CXADR: variants seen among roughly 807,000 people sequenced by gnomAD.
CXADR encodes coxsackievirus and adenovirus receptor.
In CXADR, 20 loss-of-function variants were observed where a neutral mutation model predicts 40.3. The ratio of observed to expected loss-of-function variants is 0.50; its 90% CI spans 0.35 to 0.72. The LOEUF is 0.72. Among genes scored for constraint, CXADR ranks in the 30% least tolerant of loss-of-function variants. The pLI, the probability that CXADR is intolerant of heterozygous loss-of-function variation, is 0.01. For missense variants in CXADR, 332 were observed against 449.1 expected, an observed-to-expected ratio of 0.74 and a Z score of 2.36; for synonymous variants, 150 against 161.3, an observed-to-expected ratio of 0.93 and a Z score of 0.53.
At chr21:17,582,483 T>G (rs1469054459) in intron 7 of CXADR, among the ~76,000 whole-genome samples, 1 of 152,036 alleles carries the variant, frequency 6.6e-6, no homozygotes, top group Non-Finnish European at 1.5e-5. Flanking sequence ...CACTGACTTA[T>G]CTCTCCCTCC....
At position 17,565,561 on chromosome 21, in the gene CXADR, A is replaced by G. The variant is rs1383112094; in HGVS notation, c.967A>G (p.Ser323Gly). The stretch of plus-strand genomic sequence containing the variant: ...CAAGACTCAGTATAACCAAGTACCA[A>G]GTGAAGACTTTGAACGCACTCCTCA... The part of the protein sequence containing the change: ...YSKTQYNQVP[S>G]EDFERTPQSP... The change falls in exon 7 of 7, where the codon AGT becomes GGT. Residue 323 changes from serine to glycine, a missense_variant. Around this residue, in one of 3 missense-constraint regions of CXADR, gnomAD observed 150 missense variants for 194.2 expected, o/e 0.77. Coordinates refer to ENST00000284878, the MANE Select transcript of CXADR (RefSeq NM_001338.5). 3 of 1,613,870 alleles carry G rather than the reference A, an allele frequency of 1.9e-6. No individual in the cohort carries two copies. The highest frequency in any genetic ancestry group is 1.1e-5 in the South Asian group (1 of 91,066).
the CXADR span, among the ~76,000 whole-genome samples, chr21:17,605,698 C>A: frequency 2.0e-5 from 3 of 152,072 alleles, no homozygotes; most frequent in Admixed American, 2.0e-4. Flanking sequence ...ACCTATTATA[C>A]GACATCTACC....
chr21:17,570,240 C>T, downstream of CXADR: 1 of 930,640 alleles, frequency 1.1e-6, no homozygotes, highest in Non-Finnish European at 1.3e-6. Context: ...AAGATTGCGA[C>T]AATCATATTA....
intron 1 of CXADR, among the ~76,000 whole-genome samples, chr21:17,540,885 A>G (rs375207311): frequency 6.6e-6 from 1 of 152,170 alleles, no homozygotes; most frequent in East Asian, 1.9e-4. Flanking sequence ...TTATATTTGA[A>G]ATATGTTACG....
At chr21:17,573,113 C>T (rs1217676353), downstream of CXADR, among the ~76,000 whole-genome samples, 4 of 152,142 alleles carry the variant, frequency 2.6e-5, no homozygotes, top group East Asian at 7.7e-4. Context: ...GCTCCAGACC[C>T]CTGTCTTTGG....
intron 1 of CXADR, among the ~76,000 whole-genome samples, chr21:17,513,416 G>T (rs1696539205): frequency 6.6e-6 from 1 of 152,098 alleles, no homozygotes; most frequent in African/African-American, 2.4e-5. Context: ...CTCGGCGGGG[G>T]GTGGAGGCGG....
chr21:17,614,941 A>G, the CXADR span, among the ~76,000 whole-genome samples: 13 of 152,182 alleles, frequency 8.5e-5, no homozygotes, highest in African/African-American at 3.1e-4. Flanking sequence ...TGGAATCACA[A>G]AATCACAAAT....
chr21:17,584,574 G>A (rs1156777956), intron 7 of CXADR, among the ~76,000 whole-genome samples: 1 of 152,226 alleles, frequency 6.6e-6, no homozygotes, highest in South Asian at 2.1e-4. Context: ...GCTCACGTCT[G>A]TAGTCCCAGC....
intron 3 of CXADR, among the ~76,000 whole-genome samples, chr21:17,558,561 AG>A (rs2061066190): frequency 6.6e-6 from 1 of 152,154 alleles, no homozygotes; most frequent in Non-Finnish European, 1.5e-5. Flanking sequence ...TGGCGCCTAG[AG>A]GGATGTGACT....
downstream of CXADR, among the ~76,000 whole-genome samples, chr21:17,573,189 C>T (rs1030526202): frequency 1.3e-4 from 20 of 150,438 alleles, no homozygotes; most frequent in Admixed American, 1.3e-3. Context: ...GTGTACATTT[C>T]CATTTTTTTA....
In CXADR at chr21:17,569,755, C is replaced by T. The variant is rs757548882; in HGVS notation, c.*4063C>T. 17 of 983,934 alleles carry T rather than the reference C, an allele frequency of 1.7e-5. No individual in the cohort carries two copies. Among genetic ancestry groups the T allele is most frequent in the Middle Eastern group, 1.0e-3 (2 of 1,932 alleles). The allele number at this position is 983,934 out of a possible 1,614,324, so 61.0% of individuals were successfully genotyped here. A position where few individuals can be genotyped will look rare whatever the true frequency, so the allele number is the denominator to read the frequency against. ...CATATCAGTTGGGTTTGGTTTTGGT[C>T]ATCGAGACTAAAAGCTCCATCAAAA... is the stretch of plus-strand genomic sequence containing the variant. On this transcript the variant is annotated 3_prime_UTR_variant, in exon 7 of 7. Transcript: ENST00000284878.
chr21:17,519,099 A>AT (rs1301096044), intron 1 of CXADR: 3 of 814,668 alleles, frequency 3.7e-6, no homozygotes, highest in Non-Finnish European at 2.1e-6. Context: ...TCCTGCGATT[A>AT]TACCACCATC....
downstream of CXADR, chr21:17,598,559 T>G (rs1459162846): frequency 6.8e-7 from 1 of 1,465,850 alleles, no homozygotes; most frequent in African/African-American, 1.4e-5. Context: ...TAGGACTACC[T>G]GAAAGGTCCT....
intron 7 of CXADR, among the ~76,000 whole-genome samples, chr21:17,588,120 T>G (rs1445316172): frequency 1.3e-5 from 2 of 152,234 alleles, no homozygotes; most frequent in Non-Finnish European, 2.9e-5. Context: ...AATACCATGC[T>G]GTTTTGGTTA....
chr21:17,545,139 C>CCCG (rs2123237595), intron 1 of CXADR, among the ~76,000 whole-genome samples: 1 of 141,326 alleles, frequency 7.1e-6, no homozygotes, highest in East Asian at 2.1e-4. Flanking sequence ...AGAGGCAGGC[C>CCCG]CCGTGAACCA....
At chr21:17,559,668 G>GTTTTTTTTTTTTTTTTTTTTTTTTTTTTA (rs1491548660) in intron 4 of CXADR, among the ~76,000 whole-genome samples, 1 of 106,208 alleles carries the variant, frequency 9.4e-6, no homozygotes. Flanking sequence ...CTTTTTTTTG[G>GTTTTTTTTTTTTTTTTTTTTTTTTTTTTA]GTTTTTTTTT....
At chr21:17,575,174 T>TGTTTTGTTTG (rs144499461) in intron 7 of CXADR, among the ~76,000 whole-genome samples, 2 of 151,968 alleles carry the variant, frequency 1.3e-5, no homozygotes, top group African/African-American at 4.8e-5. Context: ...TTCTGTTTTT[T>TGTTTTGTTTG]GTTTTGTTTG....
chr21:17,520,771 G>A (rs2060520821), intron 1 of CXADR, among the ~76,000 whole-genome samples: 1 of 152,164 alleles, frequency 6.6e-6, no homozygotes, highest in Non-Finnish European at 1.5e-5. Flanking sequence ...GATAGTAGTG[G>A]AACCTGATGT....
intron 1 of CXADR, among the ~76,000 whole-genome samples, chr21:17,524,045 T>C (rs1226189759): frequency 2.1e-5 from 3 of 140,824 alleles, no homozygotes; most frequent in Admixed American, 7.0e-5. Context: ...TGTGTGTGCG[T>C]GTGTGTGTGT....
Sources: allele counts gnomAD v4.1 joint callset (sites outside exome capture counted in the v4.1 genomes callset), GRCh38; gene constraint gnomAD v4.1.1; regional missense constraint gnomAD v4.1.1; transcripts MANE v1.5; gene names NCBI Gene and HGNC (gene_info 2026-07-23, HGNC 2026-07-21).